NPSR1: variants seen among roughly 807,000 people sequenced by gnomAD.
NPSR1 encodes neuropeptide S receptor 1.
Under a neutral mutation model 46.9 loss-of-function variants are expected in NPSR1, and 48 were observed. The observed-to-expected ratio is 1.02, with a 90% CI of 0.81 to 1.30. The LOEUF is 1.30. Among genes scored for constraint, NPSR1 ranks in the 50% most tolerant of loss-of-function variants. The pLI, the probability that NPSR1 is intolerant of heterozygous loss-of-function variation, is 0.00. For synonymous variants in NPSR1, 176 were observed against 168.1 expected, an observed-to-expected ratio of 1.05 and a Z score of -0.36; for missense variants, 450 against 449.5, an observed-to-expected ratio of 1.00 and a Z score of -0.01.
chr7:34,662,212 C>T (rs1021250998), intron 1 of NPSR1, among the ~76,000 whole-genome samples: 4 of 152,142 alleles, frequency 2.6e-5, no homozygotes, highest in Admixed American at 1.3e-4. Context: ...GCGCCTCCTT[C>T]GGTGGATAGT....
chr7:34,664,473 G>T (rs1210993087), intron 1 of NPSR1, among the ~76,000 whole-genome samples: 1 of 152,206 alleles, frequency 6.6e-6, no homozygotes, highest in Non-Finnish European at 1.5e-5. Context: ...ACTGAGAGGT[G>T]AGGAGGCAGC....
intron 8 of NPSR1, among the ~76,000 whole-genome samples, chr7:34,870,021 C>G (rs1320113316): frequency 6.6e-6 from 1 of 151,744 alleles, no homozygotes; most frequent in Non-Finnish European, 1.5e-5. Flanking sequence ...TAGCAGCATA[C>G]TTTTGTACCT....
intron 2 of NPSR1, among the ~76,000 whole-genome samples, chr7:34,716,689 C>T (rs769620684): frequency 9.2e-5 from 14 of 151,816 alleles, no homozygotes; most frequent in Non-Finnish European, 1.2e-4. Context: ...TTTTTTAAAC[C>T]GCTGGCCAGG....
At chr7:34,751,610 G>A in intron 2 of NPSR1, 1 of 1,602,378 alleles carries the variant, frequency 6.2e-7, no homozygotes, top group East Asian at 2.2e-5. Flanking sequence ...CGCTGACAGA[G>A]CTCTCCACTC....
chr7:34,698,892 C>T (rs148119953), intron 2 of NPSR1, among the ~76,000 whole-genome samples: 22 of 152,082 alleles, frequency 1.4e-4, no homozygotes, highest in African/African-American at 1.9e-4. Context: ...AACTATTGCA[C>T]GCCTCAGAGA....
chr7:34,662,370 C>G (rs754480886), intron 1 of NPSR1, among the ~76,000 whole-genome samples: 7 of 151,676 alleles, frequency 4.6e-5, no homozygotes, highest in South Asian at 2.1e-4. Context: ...CACTCTTCCT[C>G]CATTAATATA....
chr7:34,792,189 A>T (rs989781533), intron 3 of NPSR1, among the ~76,000 whole-genome samples: 1 of 152,100 alleles, frequency 6.6e-6, no homozygotes, highest in Admixed American at 6.6e-5. Flanking sequence ...CAAAAACTCA[A>T]GAAACAAAAC....
At chr7:34,826,309 A>G (rs897695587) in intron 4 of NPSR1, among the ~76,000 whole-genome samples, 4 of 152,184 alleles carry the variant, frequency 2.6e-5, no homozygotes, top group African/African-American at 9.7e-5. Flanking sequence ...ACAGAACCCT[A>G]GATATTATTC....
chr7:34,697,408 G>A (rs1479836820), intron 2 of NPSR1, among the ~76,000 whole-genome samples: 4 of 151,762 alleles, frequency 2.6e-5, no homozygotes, highest in Admixed American at 2.6e-4. Flanking sequence ...ATAAAATGCA[G>A]TATTTGAATA....
intron 5 of NPSR1, among the ~76,000 whole-genome samples, chr7:34,833,567 G>T (rs1790218743): frequency 6.6e-6 from 1 of 152,198 alleles, no homozygotes; most frequent in Admixed American, 6.5e-5. Flanking sequence ...CTCAACTGAG[G>T]CTCAGTGTAG....
chr7:34,702,849 G>A (rs1034896972), intron 2 of NPSR1, among the ~76,000 whole-genome samples: 3 of 152,058 alleles, frequency 2.0e-5, no homozygotes, highest in South Asian at 2.1e-4. Context: ...GTCTTTTTTG[G>A]TTACCCAAGT....
At position 34,860,251 on chromosome 7, in the gene NPSR1, A is replaced by G. The variant is rs1266294540; in HGVS notation, c.1025+11588A>G. Among the ~76,000 whole-genome samples, 3 of 151,736 alleles carry G rather than the reference A, an allele frequency of 2.0e-5. 1 individual carries two copies. Among genetic ancestry groups the G allele is most frequent in the African/African-American group, 7.3e-5 (3 of 41,020 alleles). Reference sequence around the variant, plus strand: ...GGCTATACCCACATGCTGATGTGATACCTTATCAAAGCACTCTAGAGCAGC... The same window carrying G: ...GGCTATACCCACATGCTGATGTGATGCCTTATCAAAGCACTCTAGAGCAGC... On this transcript the variant is annotated intron_variant, in intron 8 of 8. Transcript: ENST00000359791.
chr7:34,678,362 C>T (rs1792434896), intron 1 of NPSR1, among the ~76,000 whole-genome samples: 1 of 151,580 alleles, frequency 6.6e-6, no homozygotes, highest in Non-Finnish European at 1.5e-5. Flanking sequence ...GCTGGGACTA[C>T]AAGCACGCAC....
chr7:34,668,893 T>C lies in NPSR1; in HGVS notation c.147+10334T>C, dbSNP rs1313055715. ...GTCTGGTATCAGTGGAGCAGAGAAA[T>C]GTAATCCTCCTGCTCGGAAAGGCAG... On this transcript the variant is annotated intron_variant, in intron 1 of 8. Transcript: ENST00000360581. 2.6e-5 allele frequency among the ~76,000 whole-genome samples: 4 copies of C among 152,276 alleles called. 1 individual carries two copies. In the East Asian group the frequency reaches 5.8e-4, roughly 22 times the overall value.
downstream of NPSR1, among the ~76,000 whole-genome samples, chr7:34,853,283 CT>C (rs1467413508): frequency 6.6e-6 from 1 of 152,206 alleles, no homozygotes; most frequent in Non-Finnish European, 1.5e-5. Context: ...AGTGATTCTG[CT>C]CTTCTAGAAT....
intron 3 of NPSR1, among the ~76,000 whole-genome samples, chr7:34,795,096 T>C (rs981339641): frequency 6.6e-6 from 1 of 152,082 alleles, no homozygotes; most frequent in Non-Finnish European, 1.5e-5. Flanking sequence ...CCCAAAAAAG[T>C]AAGACTGGTT....
intron 2 of NPSR1, among the ~76,000 whole-genome samples, chr7:34,735,119 G>A (rs1044131401): frequency 4.6e-5 from 7 of 152,218 alleles, no homozygotes; most frequent in African/African-American, 1.7e-4. Context: ...TGAAGACCTG[G>A]TTGGGGGAAA....
At chr7:34,750,836 A>G (rs919959117) in intron 2 of NPSR1, 3 of 693,198 alleles carry the variant, frequency 4.3e-6, no homozygotes, top group Non-Finnish European at 8.2e-6. Flanking sequence ...CAGCTTTTCC[A>G]CCAGGCTTTG....
At chr7:34,805,224 C>A (rs1788636578) in intron 3 of NPSR1, among the ~76,000 whole-genome samples, 1 of 151,514 alleles carries the variant, frequency 6.6e-6, no homozygotes, top group African/African-American at 2.4e-5. Context: ...ATAACCAATG[C>A]AATATTAAAG....
Sources: gnomAD v4.1 joint callset for allele counts (sites outside exome capture counted in the v4.1 genomes callset) on GRCh38, gnomAD v4.1.1 for gene constraint, MANE v1.5 for transcripts, NCBI Gene and HGNC (gene_info 2026-07-23, HGNC 2026-07-21) for gene names.